LRP1B: variants seen among roughly 807,000 people sequenced by gnomAD.
The protein encoded by LRP1B is LDL receptor related protein 1B, also known as low-density lipoprotein receptor-related protein 1B.
Under a neutral mutation model 556.6 loss-of-function variants are expected in LRP1B, and 217 were observed. The observed-to-expected ratio is 0.39, with a 90% confidence interval of 0.35 to 0.44. The LOEUF is 0.44. LRP1B is among the 20% of genes least tolerant of loss of function. The probability of loss-of-function intolerance (pLI) is 1.00; values close to 1 mark genes in which losing one functional copy is unlikely to be tolerated. For missense variants in LRP1B, 5,053 were observed against 5,620.8 expected, an observed-to-expected ratio of 0.90 and a Z score of 3.23; for synonymous variants, 2,047 against 1,865.8, an observed-to-expected ratio of 1.10 and a Z score of -2.50.
intron 35 of LRP1B, among the ~76,000 whole-genome samples, chr2:140,764,820 G>C (rs1218850604): frequency 1.3e-5 from 2 of 152,028 alleles, no homozygotes; most frequent in Non-Finnish European, 2.9e-5. Flanking sequence ...TAACATTAGG[G>C]TTCACTCTTG....
chr2:141,862,496 G>A (rs1416424562), intron 1 of LRP1B, among the ~76,000 whole-genome samples: 11 of 152,110 alleles, frequency 7.2e-5, no homozygotes, highest in Admixed American at 1.3e-4. Flanking sequence ...GGCAACCTCC[G>A]CCTCCCAGTT....
intron 2 of LRP1B, among the ~76,000 whole-genome samples, chr2:141,643,339 T>A (rs1309600005): frequency 6.6e-6 from 1 of 152,138 alleles, no homozygotes; most frequent in African/African-American, 2.4e-5. Flanking sequence ...TATGGGTTGA[T>A]TCAGGAAAAG....
chr2:141,616,256 T>G (rs1285789143), intron 2 of LRP1B, among the ~76,000 whole-genome samples: 1 of 148,612 alleles, frequency 6.7e-6, no homozygotes. Flanking sequence ...CACTCCAGCC[T>G]GACCACAGGG....
At chr2:141,053,066 C>T (rs1699082038) in intron 10 of LRP1B, among the ~76,000 whole-genome samples, 1 of 151,970 alleles carries the variant, frequency 6.6e-6, no homozygotes, top group Admixed American at 6.6e-5. Flanking sequence ...CAATGATTTT[C>T]CCCATTATTT....
chr2:140,926,875 T>G (rs1694901870), intron 20 of LRP1B, among the ~76,000 whole-genome samples: 1 of 152,142 alleles, frequency 6.6e-6, no homozygotes, highest in African/African-American at 2.4e-5. Flanking sequence ...TCTGAGTGTT[T>G]CTTTATCTCC....
intron 20 of LRP1B, among the ~76,000 whole-genome samples, chr2:140,945,465 A>C (rs1483249923): frequency 6.6e-6 from 1 of 152,174 alleles, no homozygotes; most frequent in African/African-American, 2.4e-5. Flanking sequence ...ACTATACTAC[A>C]AGGCTACAGT....
chr2:141,795,857 A>T (rs1014200104), intron 2 of LRP1B, among the ~76,000 whole-genome samples: 5 of 51,612 alleles, frequency 9.7e-5, no homozygotes, highest in East Asian at 8.3e-4. Flanking sequence ...AACCAGGAGC[A>T]ATATATATAT....
intron 72 of LRP1B, among the ~76,000 whole-genome samples, chr2:140,360,977 C>G (rs1221615656): frequency 6.6e-6 from 1 of 151,360 alleles, no homozygotes; most frequent in African/African-American, 2.4e-5. Flanking sequence ...CAATCACTAT[C>G]ATTGCAACAA....
At chr2:141,938,471 C>T (rs181249982) in intron 1 of LRP1B, among the ~76,000 whole-genome samples, 5 of 152,184 alleles carry the variant, frequency 3.3e-5, no homozygotes, top group African/African-American at 9.6e-5. Context: ...GAAAAGGGAA[C>T]CTTTGTACAC....
At chr2:140,552,450 A>G (rs1680580464) in intron 43 of LRP1B, among the ~76,000 whole-genome samples, 1 of 152,152 alleles carries the variant, frequency 6.6e-6, no homozygotes, top group African/African-American at 2.4e-5. Context: ...AATTTAGTCC[A>G]TAATTATGCA....
At chr2:140,868,982 AC>A (rs1444169747) in intron 25 of LRP1B, among the ~76,000 whole-genome samples, 1 of 152,082 alleles carries the variant, frequency 6.6e-6, no homozygotes, top group Admixed American at 6.6e-5. Flanking sequence ...AAACCAGGCT[AC>A]CAGTTCTGGG....
intron 84 of LRP1B, among the ~76,000 whole-genome samples, chr2:140,279,218 C>T (rs945056192): frequency 3.3e-5 from 5 of 151,918 alleles, no homozygotes; most frequent in African/African-American, 4.8e-5. Flanking sequence ...ATTTTAGCTA[C>T]GATGCAATCA....
At chr2:141,718,125 G>T (rs1008668447) in intron 2 of LRP1B, among the ~76,000 whole-genome samples, 29 of 152,170 alleles carry the variant, frequency 1.9e-4, no homozygotes, top group African/African-American at 7.0e-4. Flanking sequence ...GGCAGGGCTT[G>T]CCAGAGGAGA....
rs964109276 is a variant in LRP1B, at chr2:141,452,202, AG to A, written c.343+28193del. Among the ~76,000 whole-genome samples, 16 of 152,160 alleles carry A rather than the reference AG, an allele frequency of 1.1e-4. 1 individual carries two copies. The highest frequency in any genetic ancestry group is 8.5e-4 in the Admixed American group (13 of 15,264). On this transcript the variant is annotated intron_variant, in intron 3 of 90. Coordinates refer to ENST00000389484, the MANE Select transcript of LRP1B (RefSeq NM_018557.3). The stretch of plus-strand genomic sequence containing the variant: ...GAGGCTGGAAAAAAAAAGAGATAAG[AG>A]GTGTAGAGCATCACTGGGTAGGTCT...
At chr2:140,821,805 C>T (rs767798630) in intron 31 of LRP1B, among the ~76,000 whole-genome samples, 14 of 152,162 alleles carry the variant, frequency 9.2e-5, no homozygotes, top group East Asian at 3.9e-4. Flanking sequence ...GAGGCTGAGG[C>T]GGGTAGATCA....
At chr2:141,153,690 T>C (rs1423198472) in intron 7 of LRP1B, among the ~76,000 whole-genome samples, 1 of 148,116 alleles carries the variant, frequency 6.8e-6, no homozygotes, top group Non-Finnish European at 1.5e-5. Flanking sequence ...AACTACCCTG[T>C]ACATTTTTGT....
At chr2:140,923,526 A>G (rs563615399) in intron 20 of LRP1B, among the ~76,000 whole-genome samples, 1 of 152,214 alleles carries the variant, frequency 6.6e-6, no homozygotes, top group South Asian at 2.1e-4. Flanking sequence ...ATACATTCTA[A>G]TCTTAATGAT....
At chr2:140,584,104 T>A (rs1258452841) in intron 43 of LRP1B, among the ~76,000 whole-genome samples, 2 of 152,086 alleles carry the variant, frequency 1.3e-5, no homozygotes, top group Admixed American at 1.3e-4. Flanking sequence ...CAGGGAAATA[T>A]TGCCTCAAGC....
At chr2:140,972,160 C>G (rs182482548) in intron 18 of LRP1B, among the ~76,000 whole-genome samples, 1 of 152,010 alleles carries the variant, frequency 6.6e-6, no homozygotes, top group African/African-American at 2.4e-5. Context: ...AAGAAAGATG[C>G]GAAATAATGC....
Sources: gnomAD v4.1 joint callset for allele counts (sites outside exome capture counted in the v4.1 genomes callset) on GRCh38, gnomAD v4.1.1 for gene constraint, MANE v1.5 for transcripts, NCBI Gene and HGNC (gene_info 2026-07-23, HGNC 2026-07-21) for gene names.